Variants in ELAVL2 observed in about 807,000 individuals in gnomAD.
The protein encoded by ELAVL2 is ELAV-like protein 2.
Under a neutral mutation model 34.6 loss-of-function variants are expected in ELAVL2, and 4 were observed. That is an observed-to-expected ratio of 0.12 (90% CI 0.06 to 0.26). The LOEUF is 0.26. Ranked by LOEUF, ELAVL2 falls within the 10% of genes least tolerant of loss-of-function variation. The pLI, the probability that ELAVL2 is intolerant of heterozygous loss-of-function variation, is 1.00. For missense variants in ELAVL2, 432 were observed against 442.8 expected (o/e 0.98, Z 0.22); for synonymous variants, 193 against 154.8 (o/e 1.25, Z -1.83).
chr9:23,781,611 C>T lies in ELAVL2; in HGVS notation c.-15-19362G>A, dbSNP rs1429676111. ...TCACAGCTCACTGCAGCCTCCTGGGCTCAAGGGATCCTCCTACCTCAGCCT... is the reference window on the plus strand; with the variant it reads ...TCACAGCTCACTGCAGCCTCCTGGGTTCAAGGGATCCTCCTACCTCAGCCT... On this transcript the variant is annotated intron_variant, in intron 1 of 6. Coordinates refer to ENST00000397312, the MANE Select transcript of ELAVL2 (RefSeq NM_004432.5). Among the ~76,000 whole-genome samples, 8 of 150,770 alleles carry T rather than the reference C, an allele frequency of 5.3e-5. No homozygotes were observed. The East Asian group carries it at 1.6e-3, about 30-fold the overall frequency.
chr9:23,738,258 G>T, intron 2 of ELAVL2, among the ~76,000 whole-genome samples: 1 of 152,234 alleles, frequency 6.6e-6, no homozygotes, highest in Non-Finnish European at 1.5e-5. Context: ...GAGAATCTCA[G>T]AACAGAGGGA....
At chr9:23,701,267 A>G in intron 5 of ELAVL2, 112 bp downstream of exon 5, 1 of 1,170,200 alleles carries the variant, frequency 8.5e-7, no homozygotes, top group Non-Finnish European at 1.2e-6. Context: ...TAATAAAACC[A>G]ACAACACTGA....
At chr9:23,733,572 T>C (rs1177566571) in intron 2 of ELAVL2, among the ~76,000 whole-genome samples, 4 of 152,144 alleles carry the variant, frequency 2.6e-5, no homozygotes, top group Non-Finnish European at 5.9e-5. Flanking sequence ...ATGTGTTTCT[T>C]CTAAAATCTT....
chr9:23,725,948 A>C (rs531574230), intron 3 of ELAVL2, among the ~76,000 whole-genome samples: 2 of 152,264 alleles, frequency 1.3e-5, no homozygotes, highest in East Asian at 3.9e-4. Context: ...TGGAAACTTA[A>C]ATGGTTAAAA....
In ELAVL2 at chr9:23,700,584, G is replaced by A. The variant is rs139949826; in HGVS notation, c.713+795C>T. On this transcript the variant is annotated intron_variant, in intron 5 of 6. Transcript: ENST00000397312. ...TGGAGACTGCCTCCCACCTGTTGCT[G>A]TATGGGCTATAAGCTAAGAATGGCT... Among the ~76,000 whole-genome samples the A allele has an allele frequency of 1.0e-3, 154 of 152,280 alleles. No individual in the cohort carries two copies. The Middle Eastern group carries it at 0.014, about 13-fold the overall frequency.
chr9:23,794,062 C>G (rs536171243), intron 1 of ELAVL2, among the ~76,000 whole-genome samples: 1 of 152,296 alleles, frequency 6.6e-6, no homozygotes, highest in Admixed American at 6.5e-5. Flanking sequence ...TCTAGAAGAG[C>G]TTTAGTTCTT....
At chr9:23,701,732 A>C in intron 4 of ELAVL2, 128 bp from the exon 5 acceptor site, 1 of 982,490 alleles carries the variant, frequency 1.0e-6, no homozygotes, top group Non-Finnish European at 1.5e-6. Flanking sequence ...TTTCCCACAA[A>C]ATCACACCAG....
chr9:23,693,363 G>A (rs2033893786), intron 6 of ELAVL2, 85 bp downstream of exon 6: 4 of 1,508,438 alleles, frequency 2.7e-6, no homozygotes, highest in African/African-American at 1.4e-5. Context: ...AAAAACTTAT[G>A]AGGGGTGTGA....
chr9:23,713,068 A>C (rs1216558013), intron 3 of ELAVL2, among the ~76,000 whole-genome samples: 2 of 152,202 alleles, frequency 1.3e-5, no homozygotes, highest in African/African-American at 4.8e-5. Context: ...TGTGTATCAA[A>C]GAGGGTCTAA....
At chr9:23,776,121 G>A (rs919994897) in intron 1 of ELAVL2, among the ~76,000 whole-genome samples, 7 of 152,174 alleles carry the variant, frequency 4.6e-5, no homozygotes, top group Admixed American at 3.3e-4. Flanking sequence ...ATAGCTGGAG[G>A]AGCAGCCAAA....
intron 1 of ELAVL2, among the ~76,000 whole-genome samples, chr9:23,811,674 G>A (rs1164562722): frequency 1.3e-5 from 2 of 152,264 alleles, no homozygotes; most frequent in East Asian, 1.9e-4. Context: ...GGCACATAAT[G>A]TTGTCAACAG....
At chr9:23,786,328 G>A (rs911325823) in intron 1 of ELAVL2, among the ~76,000 whole-genome samples, 7 of 151,886 alleles carry the variant, frequency 4.6e-5, no homozygotes, top group African/African-American at 1.7e-4. Flanking sequence ...AAACTATATA[G>A]GCTCAGACTA....
At chr9:23,748,580 A>C (rs541489674) in intron 2 of ELAVL2, among the ~76,000 whole-genome samples, 2 of 152,288 alleles carry the variant, frequency 1.3e-5, no homozygotes, top group East Asian at 3.9e-4. Context: ...CAAAAGAATA[A>C]AACAAGCTTG....
At chr9:23,702,981 A>AAAAAAAAAAC (rs2037974733) in intron 4 of ELAVL2, among the ~76,000 whole-genome samples, 3 of 129,664 alleles carry the variant, frequency 2.3e-5, no homozygotes, top group Admixed American at 1.5e-4. Context: ...AAAAAAAAAA[A>AAAAAAAAAAC]CAGCCTCTAC....
chr9:23,837,671 T>C, the ELAVL2 span, among the ~76,000 whole-genome samples: 1 of 152,158 alleles, frequency 6.6e-6, no homozygotes, highest in East Asian at 1.9e-4. Flanking sequence ...TTTAAGGTAC[T>C]TCCAGATGTA....
intron 1 of ELAVL2, among the ~76,000 whole-genome samples, chr9:23,791,221 T>C (rs771247753): frequency 3.9e-5 from 6 of 152,194 alleles, no homozygotes; most frequent in African/African-American, 1.4e-4. Context: ...AATCTCCAGG[T>C]TGAAAACGGC....
intron 3 of ELAVL2, among the ~76,000 whole-genome samples, chr9:23,728,305 C>T (rs1299936643): frequency 2.0e-5 from 3 of 152,096 alleles, no homozygotes; most frequent in South Asian, 4.1e-4. Flanking sequence ...GACAGAATTC[C>T]TTTAGATGGG....
At position 23,704,990 on chromosome 9, in the gene ELAVL2, T is replaced by C. The variant is rs2038836568; in HGVS notation, c.415A>G (p.Lys139Glu). 6.2e-7 allele frequency: 1 copy of C among 1,614,104 alleles called. No homozygotes were observed. The highest frequency in any genetic ancestry group is 8.5e-7 in the Non-Finnish European group (1 of 1,179,990). Reference sequence around the variant, plus strand: ...TGTGAAAAAAGCTGTTCCAACTCCTTCTGGGTCATTGTTTTTGGAAGTCCG... The same window carrying C: ...TGTGAAAAAAGCTGTTCCAACTCCTCCTGGGTCATTGTTTTTGGAAGTCCG... ...VSGLPKTMTQ[K>E]ELEQLFSQYG... is the part of the protein sequence containing the mutation. The change falls in exon 4 of 7, where the codon AAG (lysine) becomes GAG (glutamate). Residue 139 changes from lysine (K) to glutamate (E), a missense_variant. Around this residue, in one of 3 missense-constraint regions of ELAVL2, gnomAD observed 295 missense variants for 306.1 expected, o/e 0.96. Coordinates refer to ENST00000397312, the MANE Select transcript of ELAVL2 (RefSeq NM_004432.5).
chr9:23,803,908 T>G (rs1320685993), intron 1 of ELAVL2, among the ~76,000 whole-genome samples: 1 of 152,146 alleles, frequency 6.6e-6, no homozygotes, highest in Non-Finnish European at 1.5e-5. Flanking sequence ...CTTGGAGAAC[T>G]TGAGAGTGGC....
Sources: allele counts gnomAD v4.1 joint callset (sites outside exome capture counted in the v4.1 genomes callset), GRCh38; gene constraint gnomAD v4.1.1; regional missense constraint gnomAD v4.1.1; transcripts MANE v1.5; gene names NCBI Gene and HGNC (gene_info 2026-07-23, HGNC 2026-07-21).